Variants in PHTF1 observed in about 807,000 individuals in gnomAD.
PHTF1 encodes the protein protein PHTF1.
PHTF1 carries 88 observed loss-of-function variants against 102.4 expected under a neutral mutation model. The ratio of observed to expected loss-of-function variants is 0.86; its 90% CI spans 0.72 to 1.03. PHTF1 has a LOEUF of 1.03. Among genes scored for constraint, PHTF1 ranks in the 50% least tolerant of loss-of-function variants. The probability of loss-of-function intolerance (pLI) is 0.00; values close to 1 mark genes in which losing one functional copy is unlikely to be tolerated. For missense variants in PHTF1, 814 were observed against 909.5 expected, an observed-to-expected ratio of 0.89 and a Z score of 1.35; for synonymous variants, 289 against 305.2, an observed-to-expected ratio of 0.95 and a Z score of 0.55.
intron 3 of PHTF1, among the ~76,000 whole-genome samples, chr1:113,753,400 T>C (rs750575808): frequency 5.9e-5 from 9 of 151,736 alleles, no homozygotes; most frequent in Non-Finnish European, 1.2e-4. Context: ...AGCAAAAGCT[T>C]ATCTGACCTT....
chr1:113,723,079 A>G (rs974025145), intron 7 of PHTF1, among the ~76,000 whole-genome samples: 5 of 152,094 alleles, frequency 3.3e-5, no homozygotes, highest in Non-Finnish European at 7.4e-5. Flanking sequence ...CTACAGCACT[A>G]TAGTAACCAA....
chr1:113,702,958 AAAAT>A (rs1649614801), intron 15 of PHTF1, among the ~76,000 whole-genome samples: 1 of 152,232 alleles, frequency 6.6e-6, no homozygotes, highest in African/African-American at 2.4e-5. Context: ...GGATTCAGAA[AAAAT>A]AAATAAATCA....
intron 5 of PHTF1, among the ~76,000 whole-genome samples, chr1:113,736,814 G>A (rs1655570991): frequency 6.6e-6 from 1 of 152,290 alleles, no homozygotes; most frequent in African/African-American, 2.4e-5. Flanking sequence ...GCCAGCACGA[G>A]CAGAGTGGTA....
chr1:113,742,552 C>G (rs907408820), intron 3 of PHTF1, among the ~76,000 whole-genome samples: 5 of 151,958 alleles, frequency 3.3e-5, no homozygotes, highest in African/African-American at 1.2e-4. Context: ...GCCCGGGAGG[C>G]TGAGGTTGCA....
intron 8 of PHTF1, 131 bp from the exon 9 acceptor site, chr1:113,712,244 A>C: frequency 1.6e-6 from 1 of 637,328 alleles, no homozygotes; most frequent in Non-Finnish European, 2.8e-6. Context: ...AAACTGAACA[A>C]ATCCATATAT....
At chr1:113,738,838 GA>G (rs1175082869) in intron 3 of PHTF1, 39 bp from the exon 4 acceptor site, 2 of 1,318,004 alleles carry the variant, frequency 1.5e-6, no homozygotes, top group Non-Finnish European at 2.1e-6. Flanking sequence ...CAGAAATAAA[GA>G]AAAGCCCTTT....
chr1:113,710,368 G>A lies in PHTF1; in HGVS notation c.1155C>T (p.Asp385=), dbSNP rs747972056. ...ACCGGCACTCTGGGCCATGTAGCAG[G>A]TCGTCCCATAACATGTCCTCAGTCT... ...DSETEDMLWD[D]LLHGPECRSS... The change falls in exon 11 of 19, where the codon GAC becomes GAT. Residue 385 remains aspartate, a synonymous_variant. Transcript: ENST00000369604. 11 of 1,614,116 alleles carry A rather than the reference G, an allele frequency of 6.8e-6. No individual in the cohort carries two copies. In the South Asian group the frequency reaches 9.9e-5, roughly 14 times the overall value.
intron 16 of PHTF1, among the ~76,000 whole-genome samples, chr1:113,700,561 T>C (rs1049177304): frequency 3.9e-5 from 6 of 152,188 alleles, no homozygotes; most frequent in African/African-American, 7.2e-5. Context: ...AATCTCTCCA[T>C]AGTATACAAA....
chr1:113,718,494 G>A (rs1020535200), intron 7 of PHTF1, among the ~76,000 whole-genome samples: 5 of 152,214 alleles, frequency 3.3e-5, no homozygotes, highest in East Asian at 3.8e-4. Flanking sequence ...CAGTAGGGAC[G>A]CTGTGTGGGG....
intron 3 of PHTF1, among the ~76,000 whole-genome samples, chr1:113,752,385 A>ATTTTTTTTTTTTTTTT (rs774522219): frequency 4.2e-5 from 2 of 47,890 alleles, no homozygotes; most frequent in Non-Finnish European, 7.6e-5. Flanking sequence ...TGTTACTGTA[A>ATTTTTTTTTTTTTTTT]TTTTTTTTTT....
chr1:113,705,955 C>CA lies in PHTF1; in HGVS notation c.1605dup (p.Glu536Ter). ...AACATCCAAGTAAGACACAATCTTT[C>CA]AAAAAAATTAATTATCGACAAAACA... On this transcript the variant is annotated frameshift_variant, in exon 13 of 19. Coordinates refer to ENST00000369604, the MANE Select transcript of PHTF1 (RefSeq NM_001323043.2). LOFTEE classifies it high-confidence loss of function. The CA allele has an allele frequency of 1.2e-6, 2 of 1,613,924 alleles. No homozygotes were observed. The highest frequency in any genetic ancestry group is 1.7e-6 in the Non-Finnish European group (2 of 1,179,874).
At chr1:113,707,950 T>C (rs1650466417) in intron 11 of PHTF1, among the ~76,000 whole-genome samples, 1 of 85,932 alleles carries the variant, frequency 1.2e-5, no homozygotes, top group Non-Finnish European at 2.4e-5. Flanking sequence ...GAAACCTGTA[T>C]GCATAAGGGC....
chr1:113,711,468 T>G (rs563295404), intron 10 of PHTF1, among the ~76,000 whole-genome samples: 8 of 152,194 alleles, frequency 5.3e-5, no homozygotes, highest in Non-Finnish European at 1.5e-5. Flanking sequence ...AAACTTCATA[T>G]GCCAAGTGAA....
rs541671230 is a variant in PHTF1, at chr1:113,746,161, C to T, written c.103-7362G>A. On this transcript the variant is annotated intron_variant, in intron 3 of 18. Coordinates refer to ENST00000369604, the MANE Select transcript of PHTF1 (RefSeq NM_001323043.2). Reference sequence around the variant, plus strand: ...ATAGTTTGCCAACCAGATGAGTAGACAATAGGTTAGACCAGGTAATTAGAA... The same window carrying T: ...ATAGTTTGCCAACCAGATGAGTAGATAATAGGTTAGACCAGGTAATTAGAA... Among the ~76,000 whole-genome samples, 5 of 152,268 alleles carry T rather than the reference C, an allele frequency of 3.3e-5. No homozygotes were observed. In the South Asian group the frequency reaches 8.3e-4, roughly 25 times the overall value.
chr1:113,710,235 T>A lies in PHTF1; in HGVS notation c.1269+19A>T. The A allele has an allele frequency of 6.4e-7, 1 of 1,571,424 alleles. No individual in the cohort carries two copies. Among genetic ancestry groups the A allele is most frequent in the Non-Finnish European group, 8.8e-7 (1 of 1,142,610 alleles). ...AGAACACAATAAATACTAGCTATTC[T>A]TATCATGTCTGCACAGACCTGCTGA... On this transcript the variant is annotated intron_variant, in intron 11 of 18. Transcript: ENST00000369604.
intron 3 of PHTF1, among the ~76,000 whole-genome samples, chr1:113,747,244 G>A (rs1195790851): frequency 6.6e-6 from 1 of 152,162 alleles, no homozygotes; most frequent in African/African-American, 2.4e-5. Flanking sequence ...TCACAGCTAA[G>A]CCAAGTAGTG....
rs1010625933 is a variant in PHTF1, at chr1:113,698,182, C to T, written c.2268+80G>A. ...ACACACACACACACACACACACACA[C>T]ACACACGTGTGAAGAACACAGATTT... On this transcript the variant is annotated intron_variant, in intron 18 of 18. Coordinates refer to ENST00000369604, the MANE Select transcript of PHTF1 (RefSeq NM_001323043.2). 2.0e-5 allele frequency: 15 copies of T among 741,976 alleles called. No homozygotes were observed. In the Admixed American group the frequency reaches 2.9e-4, roughly 15 times the overall value. The allele number at this position is 741,976 out of a possible 1,614,324, so 46.0% of individuals were successfully genotyped here. A position where few individuals can be genotyped will look rare whatever the true frequency, so the allele number is the denominator to read the frequency against.
intron 3 of PHTF1, among the ~76,000 whole-genome samples, chr1:113,748,894 AT>A (rs1298183014): frequency 3.9e-5 from 6 of 152,154 alleles, no homozygotes; most frequent in Admixed American, 2.0e-4. Flanking sequence ...TCTATAGTCT[AT>A]TTTTTAAGCA....
At position 113,759,218 on chromosome 1, in the gene PHTF1, C is replaced by G. The variant is rs965331455; in HGVS notation, c.-226G>C. On this transcript the variant is annotated 5_prime_UTR_variant, in exon 1 of 19. Transcript: ENST00000369604. ...CGGAGGCAGCCGGCCGCCCAGCGCCCTGAGGGCGGCAAATCGATCGCCGGT... is the reference window on the plus strand; with the variant it reads ...CGGAGGCAGCCGGCCGCCCAGCGCCGTGAGGGCGGCAAATCGATCGCCGGT... 1 of 365,300 alleles carries G rather than the reference C, an allele frequency of 2.7e-6. No individual in the cohort carries two copies. Among genetic ancestry groups the G allele is most frequent in the Non-Finnish European group, 3.8e-6 (1 of 262,754 alleles). 22.6% of individuals were successfully genotyped at this position (365,300 alleles called of 1,614,324 possible).
Sources: allele counts gnomAD v4.1 joint callset (sites outside exome capture counted in the v4.1 genomes callset), GRCh38; gene constraint gnomAD v4.1.1; transcripts MANE v1.5; gene names NCBI Gene and HGNC (gene_info 2026-07-23, HGNC 2026-07-21).